ASIC2: variants seen among roughly 807,000 people sequenced by gnomAD.
ASIC2 encodes the protein acid-sensing ion channel 2.
A neutral mutation model predicts 57.3 loss-of-function variants in ASIC2; 25 were observed. The ratio of observed to expected loss-of-function variants is 0.44; its 90% CI spans 0.32 to 0.61. The LOEUF (loss-of-function observed/expected upper bound fraction) is 0.61. ASIC2 is among the 20% of genes least tolerant of loss of function. The probability of loss-of-function intolerance (pLI) is 0.06; values close to 1 mark genes in which losing one functional copy is unlikely to be tolerated. For synonymous variants in ASIC2, 319 were observed against 307.5 expected, an observed-to-expected ratio of 1.04 and a Z score of -0.39; for missense variants, 641 against 738.1, an observed-to-expected ratio of 0.87 and a Z score of 1.52.
chr17:34,019,839 T>C (rs369629490), intron 1 of ASIC2, among the ~76,000 whole-genome samples: 2 of 152,340 alleles, frequency 1.3e-5, no homozygotes, highest in African/African-American at 2.4e-5. Context: ...TAACCTGAGC[T>C]TGCTCAAGTG....
intron 1 of ASIC2, among the ~76,000 whole-genome samples, chr17:33,864,844 GC>G (rs1352168647): frequency 1.3e-5 from 2 of 152,160 alleles, no homozygotes; most frequent in Non-Finnish European, 2.9e-5. Context: ...AGGAAAATGA[GC>G]CTTTCTGTCT....
chr17:33,292,181 G>A lies in ASIC2; in HGVS notation c.-66C>T. On this transcript the variant is annotated 5_prime_UTR_variant, in exon 1 of 10. Transcript: ENST00000225823. ...CCGGGCGGAGCCGCCATGGGAGTCC[G>A]CAGCAGCAGTGGAAGCAGCAGCAGC... is the stretch of plus-strand genomic sequence containing the variant. 10 of 1,014,104 alleles carry A rather than the reference G, an allele frequency of 9.9e-6. 3 individuals carry two copies. The South Asian group carries it at 4.6e-4, about 47-fold the overall frequency. The allele number at this position is 1,014,104 out of a possible 1,614,324, so 62.8% of individuals were successfully genotyped here.
At chr17:34,012,474 G>C (rs1014795008) in intron 1 of ASIC2, among the ~76,000 whole-genome samples, 4 of 152,152 alleles carry the variant, frequency 2.6e-5, no homozygotes, top group Non-Finnish European at 5.9e-5. Flanking sequence ...ACTGCTACAG[G>C]CTGCATGGCC....
Position 33,964,232 on chromosome 17 carries a change from C to T in ASIC2, c.555+191746G>A, listed in dbSNP as rs34734556. On this transcript the variant is annotated intron_variant, in intron 1 of 9. Transcript: ENST00000359872. Reference sequence around the variant, plus strand: ...ATGCCTGTACAGCCAACTCCAGCTTCGACTTTCTGACTCCACGAGTCTATC... The same window carrying T: ...ATGCCTGTACAGCCAACTCCAGCTTTGACTTTCTGACTCCACGAGTCTATC... 7.5e-3 allele frequency among the ~76,000 whole-genome samples: 1,136 copies of T among 152,306 alleles called. 18 individuals carry two copies. Among genetic ancestry groups the T allele is most frequent in the African/African-American group, 0.026 (1,083 of 41,560 alleles).
intron 1 of ASIC2, among the ~76,000 whole-genome samples, chr17:33,732,960 T>C (rs563422777): frequency 4.6e-5 from 7 of 152,292 alleles, no homozygotes; most frequent in Admixed American, 2.0e-4. Flanking sequence ...TGTTGATGTT[T>C]GCATTAAGTA....
intron 3 of ASIC2, among the ~76,000 whole-genome samples, chr17:33,059,299 C>T (rs1047452728): frequency 2.6e-5 from 4 of 152,128 alleles, no homozygotes; most frequent in African/African-American, 9.7e-5. Context: ...CTAATGCTAT[C>T]CCTCCCCACT....
intron 1 of ASIC2, among the ~76,000 whole-genome samples, chr17:33,988,390 T>G (rs1905895025): frequency 6.6e-6 from 1 of 152,110 alleles, no homozygotes; most frequent in Non-Finnish European, 1.5e-5. Context: ...AAAGAGGAGT[T>G]CCCCTGCACA....
chr17:33,436,136 A>G (rs990714679), intron 1 of ASIC2, among the ~76,000 whole-genome samples: 3 of 152,260 alleles, frequency 2.0e-5, no homozygotes, highest in Non-Finnish European at 2.9e-5. Flanking sequence ...ATGCCTGGGC[A>G]TAGGCCAGGC....
Position 33,218,636 on chromosome 17 carries a change from G to A in ASIC2, c.708+72772C>T, listed in dbSNP as rs140512648. Among the ~76,000 whole-genome samples, 43 of 152,214 alleles carry A rather than the reference G, an allele frequency of 2.8e-4. 2 individuals carry two copies. In the East Asian group the frequency reaches 7.7e-3, roughly 27 times the overall value. On this transcript the variant is annotated intron_variant, in intron 1 of 9. Coordinates refer to ENST00000225823, the MANE Select transcript of ASIC2 (RefSeq NM_183377.2). ...TATAAGTTGAGCATTGCCGGGGTGG[G>A]GGTGGGAGCAGGAGCATGACTCTAT...
intron 1 of ASIC2, among the ~76,000 whole-genome samples, chr17:33,940,680 A>T (rs1288480005): frequency 6.6e-6 from 1 of 152,216 alleles, no homozygotes; most frequent in African/African-American, 2.4e-5. Context: ...CTAGCAGGGG[A>T]CATAGTTATC....
At chr17:33,118,866 C>G (rs1466202249) in intron 1 of ASIC2, among the ~76,000 whole-genome samples, 1 of 151,970 alleles carries the variant, frequency 6.6e-6, no homozygotes, top group Non-Finnish European at 1.5e-5. Context: ...TGCATCCAGG[C>G]ATAAGAGTAA....
intron 1 of ASIC2, among the ~76,000 whole-genome samples, chr17:33,965,233 C>T (rs529793922): frequency 1.1e-4 from 17 of 152,298 alleles, no homozygotes; most frequent in African/African-American, 3.8e-4. Context: ...AGGGGTTAAG[C>T]GACTTGCCTC....
chr17:33,347,379 T>C (rs750391390), intron 1 of ASIC2, among the ~76,000 whole-genome samples: 20 of 151,970 alleles, frequency 1.3e-4, no homozygotes, highest in Non-Finnish European at 2.8e-4. Flanking sequence ...TTGAGTAGAG[T>C]AAAAGGTATG....
intron 1 of ASIC2, among the ~76,000 whole-genome samples, chr17:33,890,017 A>G (rs2932915): frequency 0.27 from 40,845 of 152,116 alleles, 5,699 homozygotes; most frequent in Middle Eastern, 0.37. Context: ...TGACCCCAGC[A>G]TGGAGCTCCA....
At chr17:34,155,991 T>C (rs200954968) in exon 1 of ASIC2, 33 of 1,607,086 alleles carry the variant, frequency 2.1e-5, no homozygotes, top group Middle Eastern at 3.3e-4. Context: ...GGTGAAGTCT[T>C]GGTGGCCGCA....
At chr17:33,744,624 G>A (rs1009094957) in intron 1 of ASIC2, among the ~76,000 whole-genome samples, 2 of 152,118 alleles carry the variant, frequency 1.3e-5, no homozygotes, top group Admixed American at 6.5e-5. Flanking sequence ...ATTACCTAAA[G>A]CATCCATTTT....
At chr17:33,513,401 G>C (rs60809283) in intron 1 of ASIC2, among the ~76,000 whole-genome samples, 372 of 152,322 alleles carry the variant, frequency 2.4e-3, no homozygotes, top group African/African-American at 8.3e-3. Context: ...TTGATGTGGA[G>C]TATTCTCCTT....
chr17:34,043,795 G>A (rs1908226951), intron 1 of ASIC2, among the ~76,000 whole-genome samples: 1 of 152,162 alleles, frequency 6.6e-6, no homozygotes, highest in Non-Finnish European at 1.5e-5. Flanking sequence ...TGGGGGCAAT[G>A]GACTGGGTGT....
intron 4 of ASIC2, among the ~76,000 whole-genome samples, chr17:33,026,334 G>A (rs1023232681): frequency 2.7e-4 from 41 of 152,198 alleles, no homozygotes; most frequent in African/African-American, 8.9e-4. Context: ...TAAGCACCTT[G>A]TAAGCCTGGC....
Sources: allele counts gnomAD v4.1 joint callset (sites outside exome capture counted in the v4.1 genomes callset), GRCh38; gene constraint gnomAD v4.1.1; transcripts MANE v1.5; gene names NCBI Gene and HGNC (gene_info 2026-07-23, HGNC 2026-07-21).